ADAMTS2: variants seen among roughly 807,000 people sequenced by gnomAD.
ADAMTS2 encodes the protein ADAM metallopeptidase with thrombospondin type 1 motif 2.
A neutral mutation model predicts 123.0 loss-of-function variants in ADAMTS2; 50 were observed. The observed-to-expected ratio is 0.41, with a 90% CI of 0.32 to 0.51. The LOEUF is 0.51. Among genes scored for constraint, ADAMTS2 ranks in the 20% least tolerant of loss-of-function variants. ADAMTS2 has a pLI of 0.35. For synonymous variants in ADAMTS2, 678 were observed against 695.4 expected, an observed-to-expected ratio of 0.98 and a Z score of 0.39; for missense variants, 1,494 against 1,705.2, an observed-to-expected ratio of 0.88 and a Z score of 2.18.
chr5:179,198,181 C>G (rs1039556698), intron 4 of ADAMTS2, among the ~76,000 whole-genome samples: 1 of 152,216 alleles, frequency 6.6e-6, no homozygotes, highest in African/African-American at 2.4e-5. Flanking sequence ...GCCCCTTATC[C>G]TCCCGGCTGG....
At chr5:179,324,687 G>A (rs1356317210) in intron 2 of ADAMTS2, among the ~76,000 whole-genome samples, 1 of 152,158 alleles carries the variant, frequency 6.6e-6, no homozygotes, top group Non-Finnish European at 1.5e-5. Context: ...CACCATGCCT[G>A]GCCGATAGCT....
chr5:179,155,577 T>C lies in ADAMTS2; in HGVS notation c.1133-658A>G, dbSNP rs1334582748. ...GAGCCGCCGTAGAAGATGAGGCCAG[T>C]GGCCTACGACAGCCCAGGGCCAGGG... On this transcript the variant is annotated intron_variant, in intron 6 of 21. Transcript: ENST00000251582. This position sits in a 1 kb window ranked among gnomAD's most constrained non-coding sequence, Gnocchi z 5.1. Among the ~76,000 whole-genome samples the C allele has an allele frequency of 6.6e-6, 1 of 152,136 alleles. No homozygotes were observed. The highest frequency in any genetic ancestry group is 2.4e-5 in the African/African-American group (1 of 41,430).
intron 5 of ADAMTS2, among the ~76,000 whole-genome samples, chr5:179,168,811 G>T (rs1160654288): frequency 6.6e-6 from 1 of 152,186 alleles, no homozygotes; most frequent in African/African-American, 2.4e-5. Flanking sequence ...CCCAAGGCTG[G>T]AGGTCTCTTG....
intron 12 of ADAMTS2, among the ~76,000 whole-genome samples, chr5:179,137,070 C>T (rs1763077943): frequency 1.3e-5 from 2 of 152,216 alleles, no homozygotes; most frequent in Admixed American, 1.3e-4. Context: ...ACCTTCCCTT[C>T]TCAGCCTTTA....
chr5:179,262,600 T>G lies in ADAMTS2; in HGVS notation c.688+10311A>C, dbSNP rs1408926144. Among the ~76,000 whole-genome samples the G allele has an allele frequency of 2.0e-5, 3 of 152,168 alleles. No individual in the cohort carries two copies. The highest frequency in any genetic ancestry group is 4.4e-5 in the Non-Finnish European group (3 of 68,024). On this transcript the variant is annotated intron_variant, in intron 3 of 21. Coordinates refer to ENST00000251582, the MANE Select transcript of ADAMTS2 (RefSeq NM_014244.5). The surrounding 1 kb of genome is among the most constrained non-coding windows in gnomAD (Gnocchi z 5.9). ...TGGTCACGCTGCGGTAACTCCAGCCTCAGGGCTCCTGCATGTGCTGTTCCC... is the reference window on the plus strand; with the variant it reads ...TGGTCACGCTGCGGTAACTCCAGCCGCAGGGCTCCTGCATGTGCTGTTCCC...
intron 13 of ADAMTS2, among the ~76,000 whole-genome samples, chr5:179,135,340 G>A (rs1056193558): frequency 1.3e-5 from 2 of 152,202 alleles, no homozygotes; most frequent in Non-Finnish European, 2.9e-5. Context: ...GGTTGTTTTC[G>A]GGGGAGCCTG....
chr5:179,214,547 C>G (rs1374546564), intron 3 of ADAMTS2, among the ~76,000 whole-genome samples: 1 of 151,992 alleles, frequency 6.6e-6, no homozygotes, highest in Admixed American at 6.6e-5. Context: ...ATGCAAAGAT[C>G]AAGACTTCTT....
At chr5:179,321,281 G>A (rs1757164747) in intron 2 of ADAMTS2, among the ~76,000 whole-genome samples, 1 of 152,096 alleles carries the variant, frequency 6.6e-6, no homozygotes, top group Admixed American at 6.5e-5. Flanking sequence ...CGTAAACACT[G>A]CACTCACATC....
intron 2 of ADAMTS2, among the ~76,000 whole-genome samples, chr5:179,286,632 G>C (rs1756028638): frequency 6.6e-6 from 1 of 152,142 alleles, no homozygotes; most frequent in South Asian, 2.1e-4. Context: ...CATCCACCAG[G>C]AGATGCTGCC....
Position 179,129,135 on chromosome 5 carries a change from C to A in ADAMTS2, c.2457+797G>T, listed in dbSNP as rs987544463. Among the ~76,000 whole-genome samples the A allele has an allele frequency of 6.6e-6, 1 of 152,108 alleles. No individual in the cohort carries two copies. The highest frequency in any genetic ancestry group is 2.4e-5 in the African/African-American group (1 of 41,426). ...TTGCAAATACAGAAACCGTGAGTGC[C>A]GAGGACCAGCTGCTCACACACTGAT... is the stretch of plus-strand genomic sequence containing the variant. On this transcript the variant is annotated intron_variant, in intron 16 of 21. Coordinates refer to ENST00000251582, the MANE Select transcript of ADAMTS2 (RefSeq NM_014244.5). This position sits in a 1 kb window ranked among gnomAD's most constrained non-coding sequence, Gnocchi z 4.1.
At chr5:179,323,750 C>T (rs139585508) in intron 2 of ADAMTS2, among the ~76,000 whole-genome samples, 34 of 152,350 alleles carry the variant, frequency 2.2e-4, no homozygotes, top group African/African-American at 8.2e-4. Context: ...GGTGTTTACA[C>T]TCAGCACAAC....
At chr5:179,144,493 C>T (rs1763222341) in intron 10 of ADAMTS2, among the ~76,000 whole-genome samples, 1 of 152,220 alleles carries the variant, frequency 6.6e-6, no homozygotes, top group African/African-American at 2.4e-5. Context: ...AGTGGGAAGA[C>T]ACTTCACCAT....
intron 2 of ADAMTS2, among the ~76,000 whole-genome samples, chr5:179,292,837 G>C (rs1367732088): frequency 6.6e-6 from 1 of 152,154 alleles, no homozygotes; most frequent in Non-Finnish European, 1.5e-5. Context: ...TCCTGGCTGG[G>C]GCCCTCCAAG....
rs572391551 is a variant in ADAMTS2 at position 179,202,870 on chromosome 5, C to T, written c.891+4643G>A. On this transcript the variant is annotated intron_variant, in intron 4 of 21. Coordinates refer to ENST00000251582, the MANE Select transcript of ADAMTS2 (RefSeq NM_014244.5). This position sits in a 1 kb window ranked among gnomAD's most constrained non-coding sequence, Gnocchi z 4.0. ...CCAAGCTCTTACCAGCCTTGGTCCA[C>T]AGGTGACCCAGGTCACTTCCTTTCA... 6.6e-6 allele frequency among the ~76,000 whole-genome samples: 1 copy of T among 152,324 alleles called. No individual in the cohort carries two copies. Among genetic ancestry groups the T allele is most frequent in the South Asian group, 2.1e-4 (1 of 4,828 alleles).
chr5:179,211,849 G>C (rs1764857762), intron 3 of ADAMTS2, among the ~76,000 whole-genome samples: 2 of 152,206 alleles, frequency 1.3e-5, no homozygotes, highest in African/African-American at 4.8e-5. Flanking sequence ...CACAGTGGCA[G>C]CTCCATACCC....
At chr5:179,233,281 C>A (rs2113434500) in intron 3 of ADAMTS2, among the ~76,000 whole-genome samples, 1 of 152,362 alleles carries the variant, frequency 6.6e-6, no homozygotes, top group South Asian at 2.1e-4. Flanking sequence ...GACTGAACAT[C>A]ATCAGTGCCA....
At chr5:179,204,383 A>G (rs1226951026) in intron 4 of ADAMTS2, among the ~76,000 whole-genome samples, 1 of 152,258 alleles carries the variant, frequency 6.6e-6, no homozygotes, top group Non-Finnish European at 1.5e-5. Context: ...TTTTAAATTA[A>G]AATTCTCTTG....
intron 2 of ADAMTS2, among the ~76,000 whole-genome samples, chr5:179,325,785 G>A (rs1489189207): frequency 6.6e-6 from 1 of 152,256 alleles, no homozygotes; most frequent in African/African-American, 2.4e-5. Flanking sequence ...TTCCCCCTTT[G>A]GCCCCAGCCG....
At chr5:179,126,949 G>T (rs1372570870) in intron 17 of ADAMTS2, among the ~76,000 whole-genome samples, 5 of 152,216 alleles carry the variant, frequency 3.3e-5, no homozygotes, top group Non-Finnish European at 5.9e-5. Context: ...AGGACCTGGG[G>T]GCGAGGCACA....
Sources: allele counts gnomAD v4.1 joint callset (sites outside exome capture counted in the v4.1 genomes callset), GRCh38; gene constraint gnomAD v4.1.1; non-coding constraint Gnocchi (gnomAD v3.1); transcripts MANE v1.5; gene names NCBI Gene and HGNC (gene_info 2026-07-23, HGNC 2026-07-21).